Variants in CADM3 observed in about 807,000 individuals in gnomAD.
CADM3 encodes cell adhesion molecule 3, also known as TSLC1-like 1.
In CADM3, 11 loss-of-function variants were observed where a neutral mutation model predicts 44.9. The ratio of observed to expected loss-of-function variants is 0.25; its 90% CI spans 0.15 to 0.41. The LOEUF is 0.41. Ranked by LOEUF, CADM3 falls within the 10% of genes least tolerant of loss-of-function variation. The probability of loss-of-function intolerance (pLI) is 1.00; values close to 1 mark genes in which losing one functional copy is unlikely to be tolerated. For synonymous variants in CADM3, 207 were observed against 205.2 expected, an observed-to-expected ratio of 1.01 and a Z score of -0.08; for missense variants, 426 against 512.0, an observed-to-expected ratio of 0.83 and a Z score of 1.62.
At chr1:159,172,938 T>A (rs535176321) in intron 1 of CADM3, among the ~76,000 whole-genome samples, 77 of 152,066 alleles carry the variant, frequency 5.1e-4, no homozygotes, top group Admixed American at 1.8e-3. Flanking sequence ...GGTCCACAGC[T>A]CCGAGCCTCA....
At chr1:159,192,473 C>A in intron 2 of CADM3, 105 bp from the exon 3 acceptor site, 2 of 1,330,296 alleles carry the variant, frequency 1.5e-6, no homozygotes, top group Non-Finnish European at 2.1e-6. Flanking sequence ...TTTTCCCCAC[C>A]CACCATACTA....
chr1:159,191,857 A>T, intron 1 of CADM3, 79 bp from the exon 2 acceptor site: 1 of 1,560,944 alleles, frequency 6.4e-7, no homozygotes, highest in Non-Finnish European at 8.8e-7. Context: ...GGTCTGAACT[A>T]GATGAGGTGT....
At chr1:159,188,307 CCTCCCCT>C (rs748081789) in intron 1 of CADM3, among the ~76,000 whole-genome samples, 14 of 151,156 alleles carry the variant, frequency 9.3e-5, no homozygotes, top group Admixed American at 4.0e-4. Context: ...TCCTCTTCTC[CCTCCCCT>C]CTCCCCTCTC....
intron 1 of CADM3, among the ~76,000 whole-genome samples, chr1:159,191,424 C>T (rs1649656474): frequency 6.6e-6 from 1 of 152,212 alleles, no homozygotes; most frequent in Non-Finnish European, 1.5e-5. Context: ...CTACCAGCTA[C>T]CTCTTGTGTA....
chr1:159,194,953 A>G (rs1453864951), intron 5 of CADM3: 1 of 152,250 alleles, frequency 6.6e-6, no homozygotes, highest in Non-Finnish European at 1.5e-5. Flanking sequence ...GAGAAGTTAG[A>G]GTTAGGAAAT....
At chr1:159,172,212 G>A (rs1251504820) in intron 1 of CADM3, among the ~76,000 whole-genome samples, 1 of 152,150 alleles carries the variant, frequency 6.6e-6, no homozygotes, top group Non-Finnish European at 1.5e-5. Context: ...GTATCTGTGT[G>A]TATGTCTGTG....
chr1:159,193,793 C>A, intron 4 of CADM3, 77 bp from the exon 5 acceptor site: 2 of 1,567,858 alleles, frequency 1.3e-6, no homozygotes, highest in Admixed American at 1.7e-5. Context: ...ATGAGGCCCA[C>A]ATGATATCTG....
intron 1 of CADM3, among the ~76,000 whole-genome samples, chr1:159,182,748 G>T (rs1292664544): frequency 1.3e-5 from 2 of 152,154 alleles, no homozygotes; most frequent in Admixed American, 1.3e-4. Context: ...TGACCCTTAG[G>T]ATTCAGTAGG....
rs1210197420 is a variant in CADM3 at position 159,171,643 on chromosome 1, C to T, written c.-123C>T. 6 of 645,224 alleles carry T rather than the reference C, an allele frequency of 9.3e-6. No homozygotes were observed. The East Asian group carries it at 1.4e-4, about 15-fold the overall frequency. 40.0% of individuals were successfully genotyped at this position (645,224 alleles called of 1,614,324 possible). ...TCCCTCCCGGTCCCCACCTCGGCCC[C>T]GGGCTCCGAAGCGGCTCGGGGGCGC... On this transcript the variant is annotated 5_prime_UTR_variant, in exon 1 of 9. Coordinates refer to ENST00000368125, the MANE Select transcript of CADM3 (RefSeq NM_001127173.3).
rs1337400891 is a variant in CADM3 at position 159,196,353 on chromosome 1, C to T, written c.692-11C>T. The T allele has an allele frequency of 3.7e-6, 6 of 1,612,546 alleles. No homozygotes were observed. In the South Asian group the frequency reaches 5.5e-5, roughly 15 times the overall value. Reference sequence around the variant, plus strand: ...GGGAGGTATTCATTGATACCATTTCCTTCTCCACAGACACACCAACTGCGA... The same window carrying T: ...GGGAGGTATTCATTGATACCATTTCTTTCTCCACAGACACACCAACTGCGA... On this transcript the variant is annotated splice_polypyrimidine_tract_variant and intron_variant, in intron 5 of 8. Transcript: ENST00000368125.
intron 1 of CADM3, among the ~76,000 whole-genome samples, chr1:159,179,045 G>A (rs1428835251): frequency 3.3e-5 from 5 of 152,228 alleles, no homozygotes; most frequent in South Asian, 4.2e-4. Flanking sequence ...CTCTATGAGC[G>A]AGGCTTCAGC....
intron 1 of CADM3, among the ~76,000 whole-genome samples, chr1:159,175,335 G>C (rs1219380350): frequency 6.6e-6 from 1 of 152,214 alleles, no homozygotes; most frequent in Admixed American, 6.5e-5. Flanking sequence ...ATTCCATGAA[G>C]AATCAGTGTG....
At chr1:159,186,879 G>A (rs2102112071) in intron 1 of CADM3, among the ~76,000 whole-genome samples, 1 of 152,268 alleles carries the variant, frequency 6.6e-6, no homozygotes, top group South Asian at 2.1e-4. Context: ...TGAGTGCTCT[G>A]TAAACCCATA....
rs957395967 is a variant in CADM3, at chr1:159,202,106, C to T, written c.*1184C>T. The T allele has an allele frequency of 3.3e-5, 5 of 151,920 alleles. No individual in the cohort carries two copies. The highest frequency in any genetic ancestry group is 7.3e-5 in the Non-Finnish European group (5 of 68,654). 9.4% of individuals were successfully genotyped at this position (151,920 alleles called of 1,614,324 possible). ...GTGTGCATGTGTGTGTGTGTGTGTGCATGTGTGTGAGTGAGTGAGAGGCAG... is the reference window on the plus strand; with the variant it reads ...GTGTGCATGTGTGTGTGTGTGTGTGTATGTGTGTGAGTGAGTGAGAGGCAG... On this transcript the variant is annotated 3_prime_UTR_variant, in exon 9 of 9. Transcript: ENST00000368125.
At position 159,196,448 on chromosome 1, in the gene CADM3, A is replaced by G; in HGVS notation, c.776A>G (p.Asn259Ser). ...KLLLHCEGRG[N>S]PVPQQYLWEK... Reference sequence around the variant, plus strand: ...TTGCTACACTGTGAGGGTCGCGGCAATCCAGTGTAAGAAGATCCATTTCCT... The same window carrying G: ...TTGCTACACTGTGAGGGTCGCGGCAGTCCAGTGTAAGAAGATCCATTTCCT... The change falls in exon 6 of 9, where the codon AAT becomes AGT. Residue 259 changes from asparagine (N) to serine (S), a missense_variant. Asn to Ser is a conservative substitution (Grantham distance 46, BLOSUM62 1). Around this residue, in one of 2 missense-constraint regions of CADM3, gnomAD observed 362 missense variants for 474.6 expected, o/e 0.76. Coordinates refer to ENST00000368125, the MANE Select transcript of CADM3 (RefSeq NM_001127173.3). 1 of 1,613,736 alleles carries G rather than the reference A, an allele frequency of 6.2e-7. No individual in the cohort carries two copies. The highest frequency in any genetic ancestry group is 2.2e-5 in the East Asian group (1 of 44,878).
Position 159,196,277 on chromosome 1 carries a change from A to C in CADM3, c.692-87A>C, listed in dbSNP as rs552287522. The C allele has an allele frequency of 3.3e-4, 317 of 957,340 alleles. 7 individuals are homozygous for C. In the South Asian group the frequency reaches 4.4e-3, roughly 13 times the overall value. 59.3% of individuals were successfully genotyped at this position (957,340 alleles called of 1,614,324 possible). On this transcript the variant is annotated intron_variant, in intron 5 of 8. Coordinates refer to ENST00000368125, the MANE Select transcript of CADM3 (RefSeq NM_001127173.3). The stretch of plus-strand genomic sequence containing the variant: ...CTTCTTGAGCTGCGGAAACATTTAG[A>C]GGTAGAAGCTGTAGTGTGCAACTAA...
At chr1:159,192,298 G>A (rs183924439) in intron 2 of CADM3, among the ~76,000 whole-genome samples, 83 of 152,268 alleles carry the variant, frequency 5.5e-4, no homozygotes, top group Non-Finnish European at 1.0e-3. Context: ...TCACCCCACA[G>A]GAGGAACTCT....
At chr1:159,176,075 C>A (rs1649006289) in intron 1 of CADM3, among the ~76,000 whole-genome samples, 1 of 152,160 alleles carries the variant, frequency 6.6e-6, no homozygotes, top group South Asian at 2.1e-4. Context: ...GTTTCCTACT[C>A]CAGTGGAACT....
At chr1:159,198,891 C>G (rs1441701335) in intron 7 of CADM3, among the ~76,000 whole-genome samples, 2 of 152,172 alleles carry the variant, frequency 1.3e-5, no homozygotes, top group Non-Finnish European at 2.9e-5. Flanking sequence ...GCTATATATT[C>G]AGTGGCAGAG....
Sources: allele counts gnomAD v4.1 joint callset (sites outside exome capture counted in the v4.1 genomes callset), GRCh38; gene constraint gnomAD v4.1.1; regional missense constraint gnomAD v4.1.1; transcripts MANE v1.5; gene names NCBI Gene and HGNC (gene_info 2026-07-23, HGNC 2026-07-21).